ALG13: variants seen among roughly 807,000 people sequenced by gnomAD.
ALG13 encodes the protein UDP-N-acetylglucosamine transferase subunit ALG13.
A neutral mutation model predicts 87.8 loss-of-function variants in ALG13; 11 were observed. The ratio of observed to expected loss-of-function variants is 0.13; its 90% CI spans 0.08 to 0.21. ALG13 has a LOEUF of 0.21. ALG13 is among the 10% of genes least tolerant of loss of function. The probability of loss-of-function intolerance (pLI) is 1.00; values close to 1 mark genes in which losing one functional copy is unlikely to be tolerated. For synonymous variants in ALG13, 320 were observed against 306.3 expected (o/e 1.04, Z -0.47); for missense variants, 756 against 866.1 (o/e 0.87, Z 1.60).
At chrX:111,682,647 A>G (rs1422725024) in intron 2 of ALG13, among the ~76,000 whole-genome samples, 2 of 112,198 alleles carry the variant, frequency 1.8e-5, no homozygotes, top group African/African-American at 6.5e-5. Flanking sequence ...ACTGTAGTCC[A>G]CCTTTACAAT....
At chrX:111,728,429 T>A in intron 19 of ALG13, 124 bp downstream of exon 19, 1 of 782,994 alleles carries the variant, frequency 1.3e-6, no homozygotes, top group Non-Finnish European at 1.8e-6. Context: ...TCTGAAAGAT[T>A]TATATAAGTT....
Position 111,760,026 on chromosome X carries a change from A to G in ALG13, c.*27A>G. On this transcript the variant is annotated 3_prime_UTR_variant, in exon 27 of 27. Transcript: ENST00000394780. ...ATCCAGCAGTATGAAGTATTCTTGC[A>G]CTGCCATTTTCTTGCTGTTTTTGTT... is the stretch of plus-strand genomic sequence containing the variant. The G allele has an allele frequency of 1.7e-6, 2 of 1,188,016 alleles. No homozygotes were observed. Among genetic ancestry groups the G allele is most frequent in the South Asian group, 1.9e-5 (1 of 52,512 alleles).
intron 3 of ALG13, among the ~76,000 whole-genome samples, chrX:111,694,167 C>T (rs865884566): frequency 2.7e-5 from 3 of 110,453 alleles, no homozygotes; most frequent in Admixed American, 9.7e-5. Context: ...CCTCAGCCTC[C>T]GGAGTAGCTG....
intron 26 of ALG13, 63 bp from the exon 27 acceptor site, chrX:111,759,671 C>CA (rs1286922347): frequency 2.1e-6 from 2 of 967,078 alleles, no homozygotes; most frequent in African/African-American, 3.9e-5. Flanking sequence ...ATTTATGTTG[C>CA]ATGGGGTTCT....
At chrX:111,759,621 T>A (rs1403332335) in intron 26 of ALG13, 113 bp from the exon 27 acceptor site, 7 of 589,245 alleles carry the variant, frequency 1.2e-5, no homozygotes, top group African/African-American at 6.9e-5. Flanking sequence ...TGCTGTGATC[T>A]TTCTTATAGT....
At chrX:111,713,962 G>A (rs761785088) in intron 8 of ALG13, among the ~76,000 whole-genome samples, 1 of 111,628 alleles carries the variant, frequency 9.0e-6, no homozygotes, top group African/African-American at 3.3e-5. Context: ...GTGAAATATA[G>A]ACTACACAAT....
intron 3 of ALG13, chrX:111,688,283 G>C (rs1935465896): frequency 1.3e-6 from 1 of 749,074 alleles, no homozygotes; most frequent in South Asian, 6.9e-5. Context: ...TCATAAAAAT[G>C]AATGAGATTT....
chrX:111,753,075 A>C lies in ALG13; in HGVS notation c.2973+245A>C, dbSNP rs1944902121. The C allele has an allele frequency of 1.2e-5, 3 of 254,734 alleles. No individual in the cohort carries two copies. In the East Asian group the frequency reaches 1.8e-4, roughly 16 times the overall value. The allele number at this position is 254,734 out of a possible 1,213,427, so 21.0% of individuals were successfully genotyped here. A position where few individuals can be genotyped will look rare whatever the true frequency, so the allele number is the denominator to read the frequency against. The stretch of plus-strand genomic sequence containing the variant: ...GTACTGGGCTGTAAGCAGCACAATC[A>C]GCATATATTAGATGAGCCATCATAT... On this transcript the variant is annotated intron_variant, in intron 25 of 26. Transcript: ENST00000394780.
chrX:111,731,237 G>C (rs1942653492), intron 21 of ALG13, among the ~76,000 whole-genome samples: 1 of 112,089 alleles, frequency 8.9e-6, no homozygotes. Flanking sequence ...GCTATGTGTA[G>C]TACTTGTTAT....
At chrX:111,741,798 G>A (rs1213831841) in intron 23 of ALG13, among the ~76,000 whole-genome samples, 1 of 103,619 alleles carries the variant, frequency 9.7e-6, no homozygotes, top group Non-Finnish European at 1.9e-5. Flanking sequence ...GGGCAAGAGC[G>A]AGACTTTGTC....
At chrX:111,742,677 T>G (rs1943863417) in intron 23 of ALG13, among the ~76,000 whole-genome samples, 1 of 112,147 alleles carries the variant, frequency 8.9e-6, no homozygotes, top group Non-Finnish European at 1.9e-5. Flanking sequence ...TTTCTTTGTA[T>G]TAGTTTTGGT....
rs1569515614 is a variant in ALG13 at position 111,708,954 on chromosome X, C to T, written c.751-11C>T. 2 of 1,154,671 alleles carry T rather than the reference C, an allele frequency of 1.7e-6. No homozygotes were observed. Among genetic ancestry groups the T allele is most frequent in the African/African-American group, 3.5e-5 (2 of 56,548 alleles). Reference sequence around the variant, plus strand: ...CTACTGACAGTGGGCTGGTCTTTCTCTTCTTTTTAGTTGTTTTGCAGCCAG... The same window carrying T: ...CTACTGACAGTGGGCTGGTCTTTCTTTTCTTTTTAGTTGTTTTGCAGCCAG... On this transcript the variant is annotated splice_polypyrimidine_tract_variant and intron_variant, in intron 4 of 26. Transcript: ENST00000394780.
chrX:111,688,604 G>A (rs1336359201), intron 3 of ALG13: 42 of 744,588 alleles, frequency 5.6e-5, no homozygotes, highest in African/African-American at 2.1e-4. Flanking sequence ...TAAAATAATC[G>A]TGCCTAATGT....
chrX:111,718,354 G>A (rs1940922835), intron 10 of ALG13, 80 bp downstream of exon 10: 1 of 861,874 alleles, frequency 1.2e-6, no homozygotes. Context: ...AAGGGGCCTG[G>A]CAAGCTTATG....
chrX:111,697,919 T>C (rs1469745966), intron 3 of ALG13, among the ~76,000 whole-genome samples: 1 of 112,336 alleles, frequency 8.9e-6, no homozygotes, highest in Non-Finnish European at 1.9e-5. Flanking sequence ...CTTGGAGCTG[T>C]AAAATTCCAA....
At chrX:111,719,514 A>G (rs1221636625) in intron 10 of ALG13, among the ~76,000 whole-genome samples, 1 of 112,448 alleles carries the variant, frequency 8.9e-6, no homozygotes, top group Non-Finnish European at 1.9e-5. Context: ...TTGCCAGCTT[A>G]AAACAGCACA....
intron 15 of ALG13, 91 bp downstream of exon 15, chrX:111,725,152 A>G (rs1246200583): frequency 9.6e-7 from 1 of 1,038,140 alleles, no homozygotes; most frequent in African/African-American, 1.9e-5. Flanking sequence ...TGTATGTCAT[A>G]TGTCTTGTTG....
chrX:111,755,477 C>A (rs530772887), intron 25 of ALG13, among the ~76,000 whole-genome samples: 1 of 112,122 alleles, frequency 8.9e-6, no homozygotes, highest in Admixed American at 9.4e-5. Context: ...GAAAAAGAAC[C>A]TATCAGTGTG....
At chrX:111,696,258 G>A (rs2147863759) in intron 3 of ALG13, among the ~76,000 whole-genome samples, 1 of 111,373 alleles carries the variant, frequency 9.0e-6, no homozygotes, top group South Asian at 3.8e-4. Flanking sequence ...CTTAAAGGAA[G>A]GTGTTATCAA....
Sources: gnomAD v4.1 joint callset for allele counts (sites outside exome capture counted in the v4.1 genomes callset) on GRCh38, gnomAD v4.1.1 for gene constraint, MANE v1.5 for transcripts, NCBI Gene and HGNC (gene_info 2026-07-23, HGNC 2026-07-21) for gene names.